KDM7A: variants seen among roughly 807,000 people sequenced by gnomAD.
KDM7A encodes lysine demethylase 7A, also known as lysine-specific demethylase 7A.
In KDM7A, 28 loss-of-function variants were observed where a neutral mutation model predicts 114.8. That is an observed-to-expected ratio of 0.24 (90% confidence interval 0.18 to 0.33). KDM7A has a LOEUF of 0.33. Ranked by LOEUF, KDM7A falls within the 10% of genes least tolerant of loss-of-function variation. The probability of loss-of-function intolerance (pLI) is 1.00; values close to 1 mark genes in which losing one functional copy is unlikely to be tolerated. For missense variants in KDM7A, 942 were observed against 1,142.5 expected (o/e 0.82, Z 2.53); for synonymous variants, 423 against 397.8 (o/e 1.06, Z -0.75).
chr7:140,164,256 G>A (rs1170557209), intron 1 of KDM7A, among the ~76,000 whole-genome samples: 1 of 152,216 alleles, frequency 6.6e-6, no homozygotes, highest in Non-Finnish European at 1.5e-5. Flanking sequence ...GCAACAAAGA[G>A]TTTGCAAGGA....
At chr7:140,160,635 T>C (rs1182729439) in intron 1 of KDM7A, among the ~76,000 whole-genome samples, 2 of 152,182 alleles carry the variant, frequency 1.3e-5, no homozygotes, top group East Asian at 1.9e-4. Context: ...CCTGAAGAGA[T>C]GGGTGGCCCC....
rs1197046090 is a variant in KDM7A, at chr7:140,176,580, C to T, written c.194+164G>A. The stretch of plus-strand genomic sequence containing the variant: ...TGGAGCCCGCCCGGCGAACCCGGGG[C>T]ACCGCGCGCCCCACTGCCCGGCCGG... On this transcript the variant is annotated intron_variant, in intron 1 of 19. Transcript: ENST00000397560. This position sits in a 1 kb window ranked among gnomAD's most constrained non-coding sequence, Gnocchi z 4.4. 6.8e-6 allele frequency among the ~76,000 whole-genome samples: 1 copy of T among 146,384 alleles called. No individual in the cohort carries two copies. Among genetic ancestry groups the T allele is most frequent in the Non-Finnish European group, 1.5e-5 (1 of 65,838 alleles).
chr7:140,160,224 T>C lies in KDM7A; in HGVS notation c.194+16520A>G, dbSNP rs139005539. Among the ~76,000 whole-genome samples the C allele has an allele frequency of 4.3e-3, 660 of 152,330 alleles. 8 individuals are homozygous for C. The highest frequency in any genetic ancestry group is 0.015 in the African/African-American group (612 of 41,572). Reference sequence around the variant, plus strand: ...AAGCAACAAAAGTGTTACACTGATATGGCAGAAACTGTGATAGAGGCCAAT... The same window carrying C: ...AAGCAACAAAAGTGTTACACTGATACGGCAGAAACTGTGATAGAGGCCAAT... On this transcript the variant is annotated intron_variant, in intron 1 of 19. Transcript: ENST00000397560.
chr7:140,143,555 T>C (rs1240442615), intron 1 of KDM7A, among the ~76,000 whole-genome samples: 1 of 152,202 alleles, frequency 6.6e-6, no homozygotes, highest in Non-Finnish European at 1.5e-5. Context: ...CCCACAACCA[T>C]GTAAAAAATT....
At chr7:140,150,069 C>T (rs1794382815) in intron 1 of KDM7A, among the ~76,000 whole-genome samples, 1 of 152,164 alleles carries the variant, frequency 6.6e-6, no homozygotes, top group Non-Finnish European at 1.5e-5. Context: ...GTCTTCTTCT[C>T]TATCCATTCC....
chr7:140,156,537 A>G (rs889327549), intron 1 of KDM7A, among the ~76,000 whole-genome samples: 14 of 152,340 alleles, frequency 9.2e-5, no homozygotes, highest in African/African-American at 3.4e-4. Context: ...AAGTGAATGG[A>G]AAAGTGAGAC....
rs147893725 is a variant in KDM7A, at chr7:140,097,504, T to C, written c.2016+41A>G. On this transcript the variant is annotated intron_variant, in intron 15 of 19. Coordinates refer to ENST00000397560, the MANE Select transcript of KDM7A (RefSeq NM_030647.2). ...AGGAGAAGTTACGTGGTGCTCATCT[T>C]TCCATCAAATAACGTACAAGCCATG... 22 of 1,075,042 alleles carry C rather than the reference T, an allele frequency of 2.0e-5. No individual in the cohort carries two copies. The East Asian group carries it at 4.5e-4, about 22-fold the overall frequency. The allele number at this position is 1,075,042 out of a possible 1,614,324, so 66.6% of individuals were successfully genotyped here. A position where few individuals can be genotyped will look rare whatever the true frequency, so the allele number is the denominator to read the frequency against.
chr7:140,174,238 T>C (rs916733045), intron 1 of KDM7A, among the ~76,000 whole-genome samples: 8 of 151,938 alleles, frequency 5.3e-5, no homozygotes, highest in Non-Finnish European at 8.8e-5. Flanking sequence ...CAGGACAATA[T>C]AGCTAAATTT....
chr7:140,099,030 A>C lies in KDM7A; in HGVS notation c.1767T>G (p.Asp589Glu). 1 of 1,608,034 alleles carries C rather than the reference A, an allele frequency of 6.2e-7. No homozygotes were observed. The highest frequency in any genetic ancestry group is 1.7e-4 in the Middle Eastern group (1 of 6,046). The change falls in exon 14 of 20, where the codon GAT (aspartate) becomes GAG (glutamate). Residue 589 changes from aspartate (D) to glutamate (E), a missense_variant. This residue lies in a region of KDM7A where 512 missense variants were observed against 576.6 expected (regional missense o/e 0.89). Transcript: ENST00000397560. Reference protein sequence around the residue: ...LLLTNGRIIKDERQPFADQSL... With the variant: ...LLLTNGRIIKEERQPFADQSL... ...TTTGATCTGCAAAGGGCTGCCTTTC[A>C]TCTCTGTATTAAGAAGGAAAAGTAA...
At chr7:140,117,219 C>A (rs1299753664) in intron 9 of KDM7A, among the ~76,000 whole-genome samples, 2 of 152,114 alleles carry the variant, frequency 1.3e-5, no homozygotes, top group African/African-American at 2.4e-5. Context: ...TTCTAATAAT[C>A]CTTTTTAAAA....
chr7:140,096,508 G>A, intron 17 of KDM7A, 47 bp downstream of exon 17: 2 of 1,385,512 alleles, frequency 1.4e-6, no homozygotes, highest in South Asian at 2.3e-5. Flanking sequence ...CCATTAAGTT[G>A]GGCAACATAT....
At chr7:140,156,195 G>T (rs1794456239) in intron 1 of KDM7A, among the ~76,000 whole-genome samples, 1 of 152,038 alleles carries the variant, frequency 6.6e-6, no homozygotes, top group African/African-American at 2.4e-5. Flanking sequence ...TATTTTTTTT[G>T]AAGGTAGCAG....
At chr7:140,117,565 A>G (rs1818552428) in intron 9 of KDM7A, among the ~76,000 whole-genome samples, 1 of 152,210 alleles carries the variant, frequency 6.6e-6, no homozygotes, top group South Asian at 2.1e-4. Context: ...GGGAGAAAGT[A>G]TCCTGAACCA....
intron 1 of KDM7A, among the ~76,000 whole-genome samples, chr7:140,175,651 C>T (rs1357073269): frequency 6.6e-6 from 1 of 152,220 alleles, no homozygotes; most frequent in African/African-American, 2.4e-5. Flanking sequence ...CTTTATTAGC[C>T]TCACACTTTG....
In KDM7A at chr7:140,101,559, T is replaced by A. The variant is rs190100139; in HGVS notation, c.1638+392A>T. On this transcript the variant is annotated intron_variant, in intron 12 of 19. Transcript: ENST00000397560. ...TTGTTCTATTGTTTTGGGTTTTTTT[T>A]AAATAACGCTTATCATCTGAAATTG... Among the ~76,000 whole-genome samples the A allele has an allele frequency of 5.1e-3, 773 of 152,324 alleles. 9 individuals are homozygous for A. The highest frequency in any genetic ancestry group is 0.017 in the African/African-American group (712 of 41,570).
At chr7:140,134,801 A>G (rs893056449) in intron 2 of KDM7A, among the ~76,000 whole-genome samples, 2 of 152,156 alleles carry the variant, frequency 1.3e-5, no homozygotes, top group African/African-American at 4.8e-5. Flanking sequence ...ATATGTTTGA[A>G]CATTTTCACA....
intron 1 of KDM7A, among the ~76,000 whole-genome samples, chr7:140,157,315 G>A (rs748984871): frequency 1.3e-5 from 2 of 152,190 alleles, no homozygotes; most frequent in Non-Finnish European, 2.9e-5. Context: ...GCTGAACTAT[G>A]GTAGGCTCAG....
intron 12 of KDM7A, among the ~76,000 whole-genome samples, chr7:140,100,673 T>TATAC (rs1451579945): frequency 1.3e-4 from 5 of 39,538 alleles, no homozygotes; most frequent in Non-Finnish European, 2.4e-4. Context: ...TATATATATA[T>TATAC]ATATATACAT....
At chr7:140,140,736 T>C (rs1249818715) in intron 1 of KDM7A, among the ~76,000 whole-genome samples, 17 of 126,942 alleles carry the variant, frequency 1.3e-4, no homozygotes, top group Non-Finnish European at 5.1e-5. Context: ...GAGTGAGACT[T>C]CATCTCAAAA....
Sources: allele counts gnomAD v4.1 joint callset (sites outside exome capture counted in the v4.1 genomes callset), GRCh38; gene constraint gnomAD v4.1.1; regional missense constraint gnomAD v4.1.1; non-coding constraint Gnocchi (gnomAD v3.1); transcripts MANE v1.5; gene names NCBI Gene and HGNC (gene_info 2026-07-23, HGNC 2026-07-21).